Variants in ATP10B observed in about 807,000 individuals in gnomAD.
ATP10B encodes the protein phospholipid-transporting ATPase VB.
A neutral mutation model predicts 141.2 loss-of-function variants in ATP10B; 122 were observed. The observed-to-expected ratio is 0.86, with a 90% CI of 0.75 to 1.00. The LOEUF (loss-of-function observed/expected upper bound fraction) is 1.00. Ranked by LOEUF, ATP10B falls within the 50% of genes least tolerant of loss-of-function variation. The pLI is 0.00. For synonymous variants in ATP10B, 685 were observed against 692.0 expected, an observed-to-expected ratio of 0.99 and a Z score of 0.16; for missense variants, 1,876 against 1,825.3, an observed-to-expected ratio of 1.03 and a Z score of -0.51.
chr5:160,617,653 C>T (rs1312377067), intron 16 of ATP10B, among the ~76,000 whole-genome samples: 2 of 152,170 alleles, frequency 1.3e-5, no homozygotes, highest in Non-Finnish European at 2.9e-5. Flanking sequence ...CAGGGCATGG[C>T]AAAGCCACAC....
intron 3 of ATP10B, among the ~76,000 whole-genome samples, chr5:160,695,546 C>G (rs550396942): frequency 6.6e-6 from 1 of 151,720 alleles, no homozygotes; most frequent in African/African-American, 2.4e-5. Flanking sequence ...TGAAAGTAAG[C>G]ATCCTAGGAA....
intron 9 of ATP10B, among the ~76,000 whole-genome samples, chr5:160,640,895 A>C (rs1561684258): frequency 6.6e-6 from 1 of 152,156 alleles, no homozygotes; most frequent in Non-Finnish European, 1.5e-5. Flanking sequence ...TAGTTGCCAA[A>C]GATTTATAAG....
rs117274499 is a variant in ATP10B at position 160,726,448 on chromosome 5, C to T, written c.-330-9414G>A. Among the ~76,000 whole-genome samples, 1,070 of 152,278 alleles carry T rather than the reference C, an allele frequency of 7.0e-3. 5 individuals carry two copies. Among genetic ancestry groups the T allele is most frequent in the Middle Eastern group, 0.017 (5 of 294 alleles). On this transcript the variant is annotated intron_variant, in intron 2 of 25. Transcript: ENST00000327245. ...GTCATTACAAAGTGTGAGTCCTGTT[C>T]ATCCCAGCCCTAGACAGCTAGCTTT...
chr5:160,754,927 T>A (rs1323618270), intron 2 of ATP10B, among the ~76,000 whole-genome samples: 1 of 152,214 alleles, frequency 6.6e-6, no homozygotes, highest in Non-Finnish European at 1.5e-5. Context: ...TAAGGTATAA[T>A]ACACTACACA....
At chr5:160,919,710 G>T in the ATP10B span, among the ~76,000 whole-genome samples, 1 of 152,104 alleles carries the variant, frequency 6.6e-6, no homozygotes, top group Non-Finnish European at 1.5e-5. Flanking sequence ...GGGAACCAGG[G>T]AATCCACTCT....
intron 1 of ATP10B, among the ~76,000 whole-genome samples, chr5:160,786,595 T>C (rs1413555763): frequency 6.6e-6 from 1 of 152,156 alleles, no homozygotes; most frequent in Non-Finnish European, 1.5e-5. Flanking sequence ...CTTTCAGTAA[T>C]TCATTACAGT....
At chr5:160,634,863 A>G (rs1262928450) in intron 11 of ATP10B, among the ~76,000 whole-genome samples, 1 of 152,148 alleles carries the variant, frequency 6.6e-6, no homozygotes, top group Non-Finnish European at 1.5e-5. Context: ...GGAGTGAGAG[A>G]GACTTAGCAT....
upstream of ATP10B, among the ~76,000 whole-genome samples, chr5:160,852,520 A>G (rs1016266682): frequency 6.6e-6 from 1 of 152,182 alleles, no homozygotes; most frequent in East Asian, 1.9e-4. Context: ...CTTAAGAAAG[A>G]AAAGACTCTC....
chr5:160,923,184 G>T, the ATP10B span, among the ~76,000 whole-genome samples: 5 of 152,310 alleles, frequency 3.3e-5, no homozygotes, highest in South Asian at 1.0e-3. Flanking sequence ...GCTTGACAAG[G>T]CTTGAAAACA....
intron 24 of ATP10B, among the ~76,000 whole-genome samples, chr5:160,577,003 G>A (rs1348106405): frequency 1.3e-5 from 2 of 152,178 alleles, no homozygotes; most frequent in Non-Finnish European, 2.9e-5. Context: ...AAACACCTCA[G>A]CTGGAATGCT....
chr5:160,784,552 T>G (rs769075053), intron 2 of ATP10B, among the ~76,000 whole-genome samples: 1 of 152,142 alleles, frequency 6.6e-6, no homozygotes, highest in Non-Finnish European at 1.5e-5. Context: ...TGTTGTTGTT[T>G]TTAAGTTGGC....
chr5:160,872,788 T>G, the ATP10B span, among the ~76,000 whole-genome samples: 2 of 152,320 alleles, frequency 1.3e-5, no homozygotes, highest in South Asian at 4.1e-4. Context: ...CCTTAGAGTA[T>G]AGTTTGATAT....
chr5:160,602,643 G>A lies in ATP10B; in HGVS notation c.3297C>T (p.Leu1099=). ...GCGAGTAACACCAGTGGCCATGCAC[G>A]AGCAGCAACTTCTTGAGATGCTTAA... The part of the protein sequence containing the change: ...TRFKHLKKLL[L]VHGHWCYSRL... The change falls in exon 21 of 26, where the codon CTC becomes CTT. Residue 1099 remains leucine (L), a synonymous_variant. Coordinates refer to ENST00000327245, the MANE Select transcript of ATP10B (RefSeq NM_025153.3). 6.2e-6 allele frequency: 10 copies of A among 1,614,054 alleles called. No homozygotes were observed. Among genetic ancestry groups the A allele is most frequent in the African/African-American group, 1.3e-5 (1 of 75,054 alleles).
chr5:160,662,051 CA>C (rs1761961962), intron 7 of ATP10B, among the ~76,000 whole-genome samples: 1 of 152,058 alleles, frequency 6.6e-6, no homozygotes, highest in Non-Finnish European at 1.5e-5. Flanking sequence ...ACAATTGCTT[CA>C]AAAAGGAATA....
the ATP10B span, among the ~76,000 whole-genome samples, chr5:160,926,046 C>G: frequency 6.6e-6 from 1 of 152,214 alleles, no homozygotes; most frequent in Non-Finnish European, 1.5e-5. Context: ...TCTGAATCAA[C>G]CAGTTTGCAT....
intron 1 of ATP10B, among the ~76,000 whole-genome samples, chr5:160,796,069 C>G (rs900221249): frequency 6.6e-6 from 1 of 152,128 alleles, no homozygotes; most frequent in Non-Finnish European, 1.5e-5. Flanking sequence ...GTGACCTCAC[C>G]ACACCAACTC....
At position 160,688,025 on chromosome 5, in the gene ATP10B, C is replaced by G; in HGVS notation, c.50G>C (p.Arg17Thr). The G allele has an allele frequency of 6.2e-7, 1 of 1,613,930 alleles. No individual in the cohort carries two copies. The highest frequency in any genetic ancestry group is 1.1e-5 in the South Asian group (1 of 91,048). ...SSWHRWQWRV[R>T]DGFPHCPSET... ...CGATGGACAATGGGGGAAGCCATCT[C>G]TGACTCTCCACTGCCACCGATGCCA... Residue 17 changes from arginine to threonine, a missense_variant, in exon 5 of 26, where the codon AGA (arginine) becomes ACA (threonine). Arg to Thr is a moderately conservative substitution (Grantham distance 71). Coordinates refer to ENST00000327245, the MANE Select transcript of ATP10B (RefSeq NM_025153.3).
chr5:160,636,301 T>G lies in ATP10B; in HGVS notation c.1009A>C (p.Ile337Leu). ...TGTTCTTCAAAGGTCCCATTCCAGA[T>G]GCTGTGACCTGAGAGGAGGCAAAAC... ...MCLIGAVGHS[I>L]WNGTFEEHPP... Residue 337 changes from isoleucine (I) to leucine (L), a missense_variant, in exon 11 of 26, where the codon ATC (isoleucine) becomes CTC (leucine). By Grantham distance (5) the Ile-to-Leu change is conservative (BLOSUM62 2). Coordinates refer to ENST00000327245, the MANE Select transcript of ATP10B (RefSeq NM_025153.3). 1 of 1,612,910 alleles carries G rather than the reference T, an allele frequency of 6.2e-7. No homozygotes were observed. The highest frequency in any genetic ancestry group is 1.1e-5 in the South Asian group (1 of 90,742).
chr5:160,628,379 A>G (rs1467693199), intron 13 of ATP10B, among the ~76,000 whole-genome samples: 2 of 152,222 alleles, frequency 1.3e-5, no homozygotes, highest in Non-Finnish European at 2.9e-5. Context: ...TCACTTCCAG[A>G]AAGATTCTGT....
Sources: allele counts gnomAD v4.1 joint callset (sites outside exome capture counted in the v4.1 genomes callset), GRCh38; gene constraint gnomAD v4.1.1; transcripts MANE v1.5; gene names NCBI Gene and HGNC (gene_info 2026-07-23, HGNC 2026-07-21).